Variants in HOXC13 observed in about 807,000 individuals in gnomAD.
HOXC13 encodes homeobox C13.
In HOXC13, 10 loss-of-function variants were observed where a neutral mutation model predicts 25.9. The observed-to-expected ratio is 0.39, with a 90% CI of 0.24 to 0.65. HOXC13 has a LOEUF of 0.65. Ranked by LOEUF, HOXC13 falls within the 30% of genes least tolerant of loss-of-function variation. The pLI is 0.50. For missense variants in HOXC13, 439 were observed against 478.3 expected, an observed-to-expected ratio of 0.92 and a Z score of 0.77; for synonymous variants, 233 against 217.1, an observed-to-expected ratio of 1.07 and a Z score of -0.64.
chr12:53,946,257 T>A lies in HOXC13; in HGVS notation c.*1001T>A. 4.4e-6 allele frequency: 1 copy of A among 227,840 alleles called. No individual in the cohort carries two copies. Among genetic ancestry groups the A allele is most frequent in the Non-Finnish European group, 8.7e-6 (1 of 114,378 alleles). 14.1% of individuals were successfully genotyped at this position (227,840 alleles called of 1,614,324 possible). A position where few individuals can be genotyped will look rare whatever the true frequency, so the allele number is the denominator to read the frequency against. On this transcript the variant is annotated 3_prime_UTR_variant, in exon 2 of 2. Coordinates refer to ENST00000243056, the MANE Select transcript of HOXC13 (RefSeq NM_017410.3). ...TCCAGAGGAAAGCTAGAGGATCTAG[T>A]TCAAGAGGCAAGAAGATCTGGCCCT... is the stretch of plus-strand genomic sequence containing the variant.
chr12:53,945,117 T>C lies in HOXC13; in HGVS notation c.854T>C (p.Ile285Thr). The stretch of plus-strand genomic sequence containing the variant: ...AAGGAATACGCGGCTAGCAAGTTCA[T>C]CACCAAAGAGAAGCGCCGGCGCATC... ...LEKEYAASKF[I>T]TKEKRRRISA... Residue 285 changes from isoleucine to threonine, a missense_variant, in exon 2 of 2, where the codon ATC (isoleucine) becomes ACC (threonine). Physicochemically the swap from Ile to Thr is moderately conservative, Grantham distance 89. Transcript: ENST00000243056. The surrounding 1 kb of genome is among the most constrained non-coding windows in gnomAD (Gnocchi z 4.4). The C allele has an allele frequency of 1.2e-6, 2 of 1,613,986 alleles. No individual in the cohort carries two copies. Among genetic ancestry groups the C allele is most frequent in the Non-Finnish European group, 1.7e-6 (2 of 1,179,956 alleles).
At chr12:53,943,348 A>G (rs981609346) in intron 1 of HOXC13, among the ~76,000 whole-genome samples, 2 of 152,260 alleles carry the variant, frequency 1.3e-5, no homozygotes, top group African/African-American at 4.8e-5. Context: ...TTCCCAAATC[A>G]TGGTTACCTC....
At chr12:53,944,066 G>A (rs1279731819) in intron 1 of HOXC13, among the ~76,000 whole-genome samples, 2 of 152,196 alleles carry the variant, frequency 1.3e-5, no homozygotes, top group East Asian at 1.9e-4. Context: ...TGGATGACAG[G>A]CATCTAGGGT....
chr12:53,939,547 A>G lies in HOXC13; in HGVS notation c.641A>G (p.Tyr214Cys). ...GACGCCCTCATCCCCGTCGAAGGCT[A>G]CCAGCACTGGGCTCTCTCCAATGGC... ...RHDALIPVEG[Y>C]QHWALSNGWD... The change falls in exon 1 of 2, where the codon TAC (tyrosine) becomes TGC (cysteine). Residue 214 changes from tyrosine to cysteine, a missense_variant. Coordinates refer to ENST00000243056, the MANE Select transcript of HOXC13 (RefSeq NM_017410.3). This position sits in a 1 kb window ranked among gnomAD's most constrained non-coding sequence, Gnocchi z 6.7. 6.2e-7 allele frequency: 1 copy of G among 1,612,380 alleles called. No individual in the cohort carries two copies. Among genetic ancestry groups the G allele is most frequent in the Non-Finnish European group, 8.5e-7 (1 of 1,179,850 alleles).
rs1344303135 is a variant in HOXC13, at chr12:53,939,946, C to T, written c.736+304C>T. 1.3e-5 allele frequency among the ~76,000 whole-genome samples: 2 copies of T among 152,246 alleles called. No homozygotes were observed. Among genetic ancestry groups the T allele is most frequent in the African/African-American group, 4.8e-5 (2 of 41,466 alleles). The stretch of plus-strand genomic sequence containing the variant: ...CCCCTTGCAGGCTCCAGCCTCCCGC[C>T]GGGCTCTTGGCCCCTAAACCTGCTT... On this transcript the variant is annotated intron_variant, in intron 1 of 1. Transcript: ENST00000243056. This position sits in a 1 kb window ranked among gnomAD's most constrained non-coding sequence, Gnocchi z 6.7.
At position 53,945,271 on chromosome 12, in the gene HOXC13, C is replaced by CTT; in HGVS notation, c.*16_*17dup. 1 of 1,613,216 alleles carries CTT rather than the reference C, an allele frequency of 6.2e-7. No homozygotes were observed. On this transcript the variant is annotated 3_prime_UTR_variant, in exon 2 of 2. Transcript: ENST00000243056. This position sits in a 1 kb window ranked among gnomAD's most constrained non-coding sequence, Gnocchi z 4.4. ...ACTCCACCTGACCACCCACCCGCTG[C>CTT]TTGCCCCATCTATTTATGTCTCCGC...
rs1393255434 is a variant in HOXC13 at position 53,939,884 on chromosome 12, C to T, written c.736+242C>T. Among the ~76,000 whole-genome samples, 1 of 152,226 alleles carries T rather than the reference C, an allele frequency of 6.6e-6. No individual in the cohort carries two copies. Among genetic ancestry groups the T allele is most frequent in the African/African-American group, 2.4e-5 (1 of 41,472 alleles). On this transcript the variant is annotated intron_variant, in intron 1 of 1. Coordinates refer to ENST00000243056, the MANE Select transcript of HOXC13 (RefSeq NM_017410.3). This position sits in a 1 kb window ranked among gnomAD's most constrained non-coding sequence, Gnocchi z 6.7. ...AATCACAGGCGCCCGAAAGCCGGGCCGCCGGCTCTGCTCTGTCCGGTAGCT... is the reference window on the plus strand; with the variant it reads ...AATCACAGGCGCCCGAAAGCCGGGCTGCCGGCTCTGCTCTGTCCGGTAGCT...
Position 53,939,626 on chromosome 12 carries a change from G to C in HOXC13, c.720G>C (p.Trp240Cys). ...SKEQSQSAHL[W>C]KSPFPDVVPL... ...AGCAGTCGCAGTCCGCCCACCTCTG[G>C]AAGTCTCCCTTCCCAGGTAAGGAAG... Residue 240 changes from tryptophan (W) to cysteine (C), a missense_variant, in exon 1 of 2, where the codon TGG becomes TGC. Transcript: ENST00000243056. This position sits in a 1 kb window ranked among gnomAD's most constrained non-coding sequence, Gnocchi z 6.7. 2 of 1,513,502 alleles carry C rather than the reference G, an allele frequency of 1.3e-6. No individual in the cohort carries two copies. Among genetic ancestry groups the C allele is most frequent in the Non-Finnish European group, 8.9e-7 (1 of 1,126,058 alleles). 93.8% of individuals were successfully genotyped at this position (1,513,502 alleles called of 1,614,324 possible). A position where few individuals can be genotyped will look rare whatever the true frequency, so the allele number is the denominator to read the frequency against.
rs1938691597 is a variant in HOXC13 at position 53,946,214 on chromosome 12, C to G, written c.*958C>G. 4.4e-6 allele frequency: 1 copy of G among 229,020 alleles called. No individual in the cohort carries two copies. The highest frequency in any genetic ancestry group is 8.7e-6 in the Non-Finnish European group (1 of 115,158). The allele number at this position is 229,020 out of a possible 1,614,324, so 14.2% of individuals were successfully genotyped here. A position where few individuals can be genotyped will look rare whatever the true frequency, so the allele number is the denominator to read the frequency against. ...ACTAGCCCAGGAATGACTCCTCACA[C>G]TTTCACCTTTACTGATTTCCAGAGG... On this transcript the variant is annotated 3_prime_UTR_variant, in exon 2 of 2. Transcript: ENST00000243056.
chr12:53,940,899 G>A (rs1436555501), intron 1 of HOXC13, among the ~76,000 whole-genome samples: 1 of 152,122 alleles, frequency 6.6e-6, no homozygotes, highest in African/African-American at 2.4e-5. Context: ...TCCTAAGGGT[G>A]GGCCTGAAAT....
At position 53,945,369 on chromosome 12, in the gene HOXC13, A is replaced by C; in HGVS notation, c.*113A>C. The C allele has an allele frequency of 7.6e-7, 1 of 1,316,684 alleles. No homozygotes were observed. The highest frequency in any genetic ancestry group is 2.1e-5 in the Admixed American group (1 of 47,928). The allele number at this position is 1,316,684 out of a possible 1,614,324, so 81.6% of individuals were successfully genotyped here. A position where few individuals can be genotyped will look rare whatever the true frequency, so the allele number is the denominator to read the frequency against. On this transcript the variant is annotated 3_prime_UTR_variant, in exon 2 of 2. Coordinates refer to ENST00000243056, the MANE Select transcript of HOXC13 (RefSeq NM_017410.3). This position sits in a 1 kb window ranked among gnomAD's most constrained non-coding sequence, Gnocchi z 4.4. ...GAGTATTTAATGTTAAGGAAAGAGA[A>C]GAACCGCGCCGCCCGGAGGCAGAGA...
intron 1 of HOXC13, among the ~76,000 whole-genome samples, chr12:53,944,635 AT>A (rs1221771506): frequency 2.6e-5 from 4 of 152,222 alleles, no homozygotes; most frequent in Admixed American, 2.6e-4. Context: ...GTGAAGAGCC[AT>A]ATTGGGGCCT....
rs1938677705 is a variant in HOXC13 at position 53,945,389 on chromosome 12, CAG to C, written c.*138_*139del. The C allele has an allele frequency of 4.7e-6, 5 of 1,070,796 alleles. No homozygotes were observed. The highest frequency in any genetic ancestry group is 1.4e-6 in the Non-Finnish European group (1 of 740,658). The allele number at this position is 1,070,796 out of a possible 1,614,324, so 66.3% of individuals were successfully genotyped here. ...AGAGAAGAACCGCGCCGCCCGGAGG[CAG>C]AGAGGCTCCATGGCCGTGCTGCTGG... On this transcript the variant is annotated 3_prime_UTR_variant, in exon 2 of 2. Coordinates refer to ENST00000243056, the MANE Select transcript of HOXC13 (RefSeq NM_017410.3). This position sits in a 1 kb window ranked among gnomAD's most constrained non-coding sequence, Gnocchi z 4.4.
intron 1 of HOXC13, among the ~76,000 whole-genome samples, chr12:53,941,359 G>A (rs957533288): frequency 2.6e-5 from 4 of 152,240 alleles, no homozygotes; most frequent in Non-Finnish European, 5.9e-5. Context: ...ATGCCAAGGG[G>A]CTAAGGGGTA....
chr12:53,939,696 T>G lies in HOXC13; in HGVS notation c.736+54T>G. 1.5e-6 allele frequency: 2 copies of G among 1,297,308 alleles called. No individual in the cohort carries two copies. Among genetic ancestry groups the G allele is most frequent in the Non-Finnish European group, 2.0e-6 (2 of 1,021,190 alleles). 80.4% of individuals were successfully genotyped at this position (1,297,308 alleles called of 1,614,324 possible). On this transcript the variant is annotated intron_variant, in intron 1 of 1. Transcript: ENST00000243056. This position sits in a 1 kb window ranked among gnomAD's most constrained non-coding sequence, Gnocchi z 6.7. ...GCCGGGGACCCCTCCCCGCCCTGCC[T>G]GCCCCGGGGCTCCGCGCCCCAACCA...
At chr12:53,942,199 A>T (rs1938623218) in intron 1 of HOXC13, among the ~76,000 whole-genome samples, 2 of 109,900 alleles carry the variant, frequency 1.8e-5, no homozygotes. Context: ...TTTGAGAGAG[A>T]GAGAGAAGCA....
At position 53,939,583 on chromosome 12, in the gene HOXC13, A is replaced by G. The variant is rs1304583232; in HGVS notation, c.677A>G (p.Gln226Arg). 6.2e-7 allele frequency: 1 copy of G among 1,607,512 alleles called. No individual in the cohort carries two copies. Among genetic ancestry groups the G allele is most frequent in the South Asian group, 1.1e-5 (1 of 90,398 alleles). ...HWALSNGWDS[Q>R]VYCSKEQSQS... is the part of the protein sequence containing the mutation. ...GCTCTCTCCAATGGCTGGGACAGTC[A>G]GGTGTACTGCTCCAAGGAGCAGTCG... is the stretch of plus-strand genomic sequence containing the variant. Residue 226 changes from glutamine (Q) to arginine (R), a missense_variant, in exon 1 of 2, where the codon CAG (glutamine) becomes CGG (arginine). Gln to Arg is a conservative substitution (Grantham distance 43). Coordinates refer to ENST00000243056, the MANE Select transcript of HOXC13 (RefSeq NM_017410.3). The surrounding 1 kb of genome is among the most constrained non-coding windows in gnomAD (Gnocchi z 6.7).
chr12:53,945,326 C>G lies in HOXC13; in HGVS notation c.*70C>G. On this transcript the variant is annotated 3_prime_UTR_variant, in exon 2 of 2. Coordinates refer to ENST00000243056, the MANE Select transcript of HOXC13 (RefSeq NM_017410.3). This position sits in a 1 kb window ranked among gnomAD's most constrained non-coding sequence, Gnocchi z 4.4. ...TACCATAACCGAACCCACGGAAAGA[C>G]GCTGCGCGGGTGCAGAAGAGTATTT... is the stretch of plus-strand genomic sequence containing the variant. The G allele has an allele frequency of 6.4e-7, 1 of 1,558,228 alleles. No homozygotes were observed. Among genetic ancestry groups the G allele is most frequent in the Non-Finnish European group, 8.8e-7 (1 of 1,137,496 alleles).
chr12:53,940,811 G>A (rs1005583791), intron 1 of HOXC13, among the ~76,000 whole-genome samples: 19 of 152,136 alleles, frequency 1.2e-4, no homozygotes, highest in African/African-American at 4.6e-4. Context: ...GATGTCTCCC[G>A]ACAGTGCCCA....
Sources: gnomAD v4.1 joint callset for allele counts (sites outside exome capture counted in the v4.1 genomes callset) on GRCh38, gnomAD v4.1.1 for gene constraint, Gnocchi (gnomAD v3.1) non-coding constraint, MANE v1.5 for transcripts, NCBI Gene and HGNC (gene_info 2026-07-23, HGNC 2026-07-21) for gene names.